ASB13: variants seen among roughly 807,000 people sequenced by gnomAD.
ASB13 encodes the protein ankyrin repeat and SOCS box containing 13, also known as ankyrin repeat and SOCS box protein 13.
ASB13 carries 33 observed loss-of-function variants against 28.8 expected under a neutral mutation model. The ratio of observed to expected loss-of-function variants is 1.15; its 90% CI spans 0.87 to 1.53. ASB13 has a LOEUF of 1.53. Ranked by LOEUF, ASB13 falls within the 40% of genes most tolerant of loss-of-function variation. The pLI is 0.00. For synonymous variants in ASB13, 182 were observed against 172.9 expected, an observed-to-expected ratio of 1.05 and a Z score of -0.41; for missense variants, 414 against 390.1, an observed-to-expected ratio of 1.06 and a Z score of -0.52.
chr10:5,666,470 C>CGG (rs1315057262), intron 1 of ASB13, 39 bp downstream of exon 1: 1 of 1,284,466 alleles, frequency 7.8e-7, no homozygotes, highest in Non-Finnish European at 9.9e-7. Flanking sequence ...GGAGCCGGCG[C>CGG]CGCTGCCTCG....
rs61832728 is a variant in ASB13 at position 5,658,852 on chromosome 10, A to G, written c.44-5802T>C. 0.073 allele frequency among the ~76,000 whole-genome samples: 11,125 copies of G among 152,196 alleles called. 521 individuals carry two copies. The highest frequency in any genetic ancestry group is 0.12 in the Middle Eastern group (36 of 294). On this transcript the variant is annotated intron_variant, in intron 1 of 5. Transcript: ENST00000357700. The surrounding 1 kb of genome is among the most constrained non-coding windows in gnomAD (Gnocchi z 4.2). Reference sequence around the variant, plus strand: ...GGGGAAGGGAGGGATAGAAGGCTAGAGGACAGCAGGTGCCTGGGGTGCACC... The same window carrying G: ...GGGGAAGGGAGGGATAGAAGGCTAGGGGACAGCAGGTGCCTGGGGTGCACC...
In ASB13 at chr10:5,652,073, C is replaced by T. The variant is rs1834998514; in HGVS notation, c.232-710G>A. Among the ~76,000 whole-genome samples the T allele has an allele frequency of 7.2e-6, 1 of 138,112 alleles. No individual in the cohort carries two copies. Among genetic ancestry groups the T allele is most frequent in the African/African-American group, 2.7e-5 (1 of 36,816 alleles). 90.6% of individuals were successfully genotyped at this position (138,112 alleles called of 152,430 possible). On this transcript the variant is annotated intron_variant, in intron 2 of 5. Coordinates refer to ENST00000357700, the MANE Select transcript of ASB13 (RefSeq NM_024701.4). The surrounding 1 kb of genome is among the most constrained non-coding windows in gnomAD (Gnocchi z 5.0). ...ACACACACACACACAAAACTCTAAC[C>T]TCAATGGAAGGAATGCCTGAGACAG...
In ASB13 at chr10:5,651,955, T is replaced by A. The variant is rs1834990575; in HGVS notation, c.232-592A>T. On this transcript the variant is annotated intron_variant, in intron 2 of 5. Coordinates refer to ENST00000357700, the MANE Select transcript of ASB13 (RefSeq NM_024701.4). This position sits in a 1 kb window ranked among gnomAD's most constrained non-coding sequence, Gnocchi z 5.1. The stretch of plus-strand genomic sequence containing the variant: ...AGGATGAGGTTGCAGTGAGCTATGA[T>A]CACGCCACTGCATTCCAGCCTAGGC... Among the ~76,000 whole-genome samples, 1 of 136,430 alleles carries A rather than the reference T, an allele frequency of 7.3e-6. No individual in the cohort carries two copies. The highest frequency in any genetic ancestry group is 1.5e-5 in the Non-Finnish European group (1 of 65,870). 89.5% of individuals were successfully genotyped at this position (136,430 alleles called of 152,430 possible).
intron 1 of ASB13, among the ~76,000 whole-genome samples, chr10:5,662,559 G>GA (rs1835187187): frequency 3.0e-5 from 1 of 33,564 alleles, no homozygotes; most frequent in Admixed American, 2.6e-4. Flanking sequence ...GGGAGGGGAG[G>GA]GGAGGGGAGA....
At position 5,652,219 on chromosome 10, in the gene ASB13, G is replaced by A. The variant is rs534472392; in HGVS notation, c.231+644C>T. 6.6e-6 allele frequency among the ~76,000 whole-genome samples: 1 copy of A among 152,204 alleles called. No individual in the cohort carries two copies. The highest frequency in any genetic ancestry group is 1.5e-5 in the Non-Finnish European group (1 of 68,014). On this transcript the variant is annotated intron_variant, in intron 2 of 5. Coordinates refer to ENST00000357700, the MANE Select transcript of ASB13 (RefSeq NM_024701.4). This position sits in a 1 kb window ranked among gnomAD's most constrained non-coding sequence, Gnocchi z 5.0. Reference sequence around the variant, plus strand: ...TCTATTTGGGTACACACTGAAATCGGTTCCATTCCAACCTTTTGGGAAGAG... The same window carrying A: ...TCTATTTGGGTACACACTGAAATCGATTCCATTCCAACCTTTTGGGAAGAG...
chr10:5,651,243 C>G lies in ASB13; in HGVS notation c.352G>C (p.Ala118Pro). 1 of 1,613,470 alleles carries G rather than the reference C, an allele frequency of 6.2e-7. No individual in the cohort carries two copies. Among genetic ancestry groups the G allele is most frequent in the Non-Finnish European group, 8.5e-7 (1 of 1,179,636 alleles). Residue 118 changes from alanine (A) to proline (P), a missense_variant, in exon 3 of 6, where the codon GCG becomes CCG. Physicochemically the swap from Ala to Pro is conservative, Grantham distance 27 (BLOSUM62 -1). Transcript: ENST00000357700. The surrounding 1 kb of genome is among the most constrained non-coding windows in gnomAD (Gnocchi z 5.1). The part of the protein sequence containing the change: ...GAKVNPPLYT[A>P]SPLHEACMSG... ...ATGCAGGCCTCGTGCAGGGGGGACG[C>G]TGTGTACAGGGGAGGGTTGACCTTG... is the stretch of plus-strand genomic sequence containing the variant.
intron 1 of ASB13, among the ~76,000 whole-genome samples, chr10:5,654,253 C>T (rs1835037852): frequency 6.6e-6 from 1 of 151,676 alleles, no homozygotes; most frequent in African/African-American, 2.4e-5. Flanking sequence ...AAGAGGCCTC[C>T]AAGCTTCCAC....
At position 5,658,243 on chromosome 10, in the gene ASB13, C is replaced by T. The variant is rs1835101659; in HGVS notation, c.44-5193G>A. On this transcript the variant is annotated intron_variant, in intron 1 of 5. Coordinates refer to ENST00000357700, the MANE Select transcript of ASB13 (RefSeq NM_024701.4). This position sits in a 1 kb window ranked among gnomAD's most constrained non-coding sequence, Gnocchi z 4.2. ...CAGCACTTTGGGAGGCCGAGGCAGG[C>T]AATATGGTGAAACCCCATCTCTACT... Among the ~76,000 whole-genome samples the T allele has an allele frequency of 6.6e-6, 1 of 152,080 alleles. No homozygotes were observed. The highest frequency in any genetic ancestry group is 1.5e-5 in the Non-Finnish European group (1 of 68,020).
At chr10:5,657,150 G>A (rs1835086802) in intron 1 of ASB13, among the ~76,000 whole-genome samples, 1 of 152,102 alleles carries the variant, frequency 6.6e-6, no homozygotes, top group Admixed American at 6.5e-5. Flanking sequence ...TCTTACTGCA[G>A]CAATTCAGGG....
rs994681300 is a variant in ASB13 at position 5,640,301 on chromosome 10, G to A, written c.*402C>T. On this transcript the variant is annotated 3_prime_UTR_variant, in exon 6 of 6. Transcript: ENST00000357700. ...TGCACCTGGGGCCTGTGCATCTGCG[G>A]CAGGCTGCCCCGGTGAGTGAGAATC... 12 of 164,760 alleles carry A rather than the reference G, an allele frequency of 7.3e-5. No individual in the cohort carries two copies. Among genetic ancestry groups the A allele is most frequent in the Admixed American group, 4.8e-4 (8 of 16,690 alleles). The allele number at this position is 164,760 out of a possible 1,614,324, so 10.2% of individuals were successfully genotyped here. A position where few individuals can be genotyped will look rare whatever the true frequency, so the allele number is the denominator to read the frequency against.
At chr10:5,643,519 A>G (rs1331872689) in intron 4 of ASB13, among the ~76,000 whole-genome samples, 3 of 152,248 alleles carry the variant, frequency 2.0e-5, no homozygotes, top group African/African-American at 7.2e-5. Flanking sequence ...TCTCTCAACT[A>G]GGAAAAATGC....
rs1835144196 is a variant in ASB13 at position 5,660,553 on chromosome 10, C to T, written c.43+5956G>A. Among the ~76,000 whole-genome samples, 1 of 152,178 alleles carries T rather than the reference C, an allele frequency of 6.6e-6. No homozygotes were observed. The highest frequency in any genetic ancestry group is 1.5e-5 in the Non-Finnish European group (1 of 68,038). ...AGTTCAAAGCTCGTCTCACAGCTTA[C>T]CCTCTCCAAACCTCGGCCTCCTCTC... On this transcript the variant is annotated intron_variant, in intron 1 of 5. Transcript: ENST00000357700. The surrounding 1 kb of genome is among the most constrained non-coding windows in gnomAD (Gnocchi z 6.1).
Position 5,644,774 on chromosome 10 carries a change from C to T in ASB13, c.518-2813G>A, listed in dbSNP as rs113125669. Among the ~76,000 whole-genome samples the T allele has an allele frequency of 8.3e-3, 1,236 of 148,996 alleles. 20 individuals carry two copies. The highest frequency in any genetic ancestry group is 0.029 in the African/African-American group (1,187 of 40,398). On this transcript the variant is annotated intron_variant, in intron 4 of 5. Coordinates refer to ENST00000357700, the MANE Select transcript of ASB13 (RefSeq NM_024701.4). The surrounding 1 kb of genome is among the most constrained non-coding windows in gnomAD (Gnocchi z 5.1). ...TGGAGGCTGCAGTGAGCAGAGATCA[C>T]ACCACTGCACTCCAGCCTGGGTGAC...
At chr10:5,648,937 G>A in intron 4 of ASB13, 33 bp downstream of exon 4, 2 of 1,610,616 alleles carry the variant, frequency 1.2e-6, no homozygotes, top group Non-Finnish European at 1.7e-6. Flanking sequence ...CACCCACTCA[G>A]GTAAACACCC....
intron 4 of ASB13, among the ~76,000 whole-genome samples, chr10:5,646,175 C>T (rs1243539282): frequency 3.3e-5 from 5 of 152,174 alleles, no homozygotes; most frequent in Admixed American, 2.0e-4. Context: ...TTTAGGGCGA[C>T]AGTGGGCCTC....
In ASB13 at chr10:5,644,495, G is replaced by A. The variant is rs76201358; in HGVS notation, c.518-2534C>T. Among the ~76,000 whole-genome samples, 7,365 of 149,250 alleles carry A rather than the reference G, an allele frequency of 0.049. 457 individuals carry two copies. Among genetic ancestry groups the A allele is most frequent in the Admixed American group, 0.21 (3,164 of 15,066 alleles). ...TGGATGACAGAGTGAGGCCCATAGT[G>A]AGAAAGAGAACATAAACAGGTACTC... On this transcript the variant is annotated intron_variant, in intron 4 of 5. Transcript: ENST00000357700. This position sits in a 1 kb window ranked among gnomAD's most constrained non-coding sequence, Gnocchi z 5.1.
chr10:5,640,724 A>T lies in ASB13; in HGVS notation c.816T>A (p.Ile272=), dbSNP rs376073320. 10 of 1,614,028 alleles carry T rather than the reference A, an allele frequency of 6.2e-6. No homozygotes were observed. In the African/African-American group the frequency reaches 1.1e-4, roughly 17 times the overall value. Residue 272 remains isoleucine, a synonymous_variant, in exon 6 of 6, where the codon ATT becomes ATA. Transcript: ENST00000357700. ...IAKLNIPPRL[I]DYLSYN ...CAATTCAGTTGTAGGAGAGGTAATCAATGAGCCGGGGCGGGATGTTTAACT... is the reference window on the plus strand; with the variant it reads ...CAATTCAGTTGTAGGAGAGGTAATCTATGAGCCGGGGCGGGATGTTTAACT...
At position 5,655,379 on chromosome 10, in the gene ASB13, T is replaced by C. The variant is rs932051015; in HGVS notation, c.44-2329A>G. ...AAGTTGTGATAACAATAGTTTCTCT[T>C]CATAGGTGGACTATGAACATTCAGT... is the stretch of plus-strand genomic sequence containing the variant. On this transcript the variant is annotated intron_variant, in intron 1 of 5. Coordinates refer to ENST00000357700, the MANE Select transcript of ASB13 (RefSeq NM_024701.4). The surrounding 1 kb of genome is among the most constrained non-coding windows in gnomAD (Gnocchi z 6.2). Among the ~76,000 whole-genome samples, 1 of 152,242 alleles carries C rather than the reference T, an allele frequency of 6.6e-6. No individual in the cohort carries two copies. The highest frequency in any genetic ancestry group is 1.5e-5 in the Non-Finnish European group (1 of 68,040).
rs1834804532 is a variant in ASB13, at chr10:5,641,248, C to T, written c.710-418G>A. On this transcript the variant is annotated intron_variant, in intron 5 of 5. Coordinates refer to ENST00000357700, the MANE Select transcript of ASB13 (RefSeq NM_024701.4). This position sits in a 1 kb window ranked among gnomAD's most constrained non-coding sequence, Gnocchi z 8.4. Reference sequence around the variant, plus strand: ...TCCCGAGTAGCTGGGATTACAGGCACCCACCACCATGCCCGCCTAATTTTT... The same window carrying T: ...TCCCGAGTAGCTGGGATTACAGGCATCCACCACCATGCCCGCCTAATTTTT... Among the ~76,000 whole-genome samples the T allele has an allele frequency of 6.6e-6, 1 of 152,076 alleles. No individual in the cohort carries two copies. Among genetic ancestry groups the T allele is most frequent in the Non-Finnish European group, 1.5e-5 (1 of 68,018 alleles).
Sources: gnomAD v4.1 joint callset for allele counts (sites outside exome capture counted in the v4.1 genomes callset) on GRCh38, gnomAD v4.1.1 for gene constraint, Gnocchi (gnomAD v3.1) non-coding constraint, MANE v1.5 for transcripts, NCBI Gene and HGNC (gene_info 2026-07-23, HGNC 2026-07-21) for gene names.